Variants in KRT17 observed in about 807,000 individuals in gnomAD.
KRT17 encodes the protein keratin 17.
KRT17 carries 29 observed loss-of-function variants against 45.6 expected under a neutral mutation model. The observed-to-expected ratio is 0.64, with a 90% CI of 0.47 to 0.87. The LOEUF (loss-of-function observed/expected upper bound fraction) is 0.87, where lower values mean the gene tolerates loss of function less well. Among genes scored for constraint, KRT17 ranks in the 40% least tolerant of loss-of-function variants. KRT17 has a pLI of 0.00. For synonymous variants in KRT17, 219 were observed against 234.6 expected, an observed-to-expected ratio of 0.93 and a Z score of 0.61; for missense variants, 536 against 577.8, an observed-to-expected ratio of 0.93 and a Z score of 0.74.
rs1908463361 is a variant in KRT17 at position 41,619,474 on chromosome 17, C to G, written c.*120G>C. The G allele has an allele frequency of 3.8e-6, 6 of 1,566,170 alleles. No individual in the cohort carries two copies. In the Admixed American group the frequency reaches 1.0e-4, roughly 27 times the overall value. Reference sequence around the variant, plus strand: ...GTCAACAAGCTTTATTGTCATCAGGCAAGGAAGCATGGGGAAGGGACTGAA... The same window carrying G: ...GTCAACAAGCTTTATTGTCATCAGGGAAGGAAGCATGGGGAAGGGACTGAA... On this transcript the variant is annotated 3_prime_UTR_variant, in exon 8 of 8. Transcript: ENST00000311208.
Position 41,624,066 on chromosome 17 carries a change from A to G in KRT17, c.432+12T>C, listed in dbSNP as rs1442704300. ...ATGCCCCCCGGAGACCCCTCCCACCAGCAGGCCCTACCTTGTTCTGCAGCT... is the reference window on the plus strand; with the variant it reads ...ATGCCCCCCGGAGACCCCTCCCACCGGCAGGCCCTACCTTGTTCTGCAGCT... On this transcript the variant is annotated intron_variant, in intron 1 of 7. Coordinates refer to ENST00000311208, the MANE Select transcript of KRT17 (RefSeq NM_000422.3). 6.2e-7 allele frequency: 1 copy of G among 1,611,836 alleles called. No homozygotes were observed. The highest frequency in any genetic ancestry group is 1.7e-5 in the Admixed American group (1 of 59,998).
In KRT17 at chr17:41,621,029, C is replaced by T; in HGVS notation, c.897G>A (p.Glu299=). 1 of 1,613,946 alleles carries T rather than the reference C, an allele frequency of 6.2e-7. No individual in the cohort carries two copies. Among genetic ancestry groups the T allele is most frequent in the Non-Finnish European group, 8.5e-7 (1 of 1,179,946 alleles). Residue 299 remains glutamate (E), a synonymous_variant, in exon 5 of 8, where the codon GAG becomes GAA. Coordinates refer to ENST00000311208, the MANE Select transcript of KRT17 (RefSeq NM_000422.3). ...NSELVQSGKS[E]ISELRRTMQA... is the part of the protein sequence containing the mutation. ...GCATGGTGCGCCGGAGCTCCGAGAT[C>T]TCACTCTTGCCACTCTGCACCAGCT...
rs189910997 is a variant in KRT17 at position 41,622,250 on chromosome 17, C to A, written c.672+105G>T. On this transcript the variant is annotated intron_variant, in intron 3 of 7. Transcript: ENST00000311208. The stretch of plus-strand genomic sequence containing the variant: ...GGAAGCCCTCTAAGGTGACTAATCC[C>A]GGTGCACCTGCTCTGCTCTCTCCCA... The A allele has an allele frequency of 1.4e-5, 20 of 1,457,680 alleles. No individual in the cohort carries two copies. In the African/African-American group the frequency reaches 2.1e-4, roughly 15 times the overall value. The allele number at this position is 1,457,680 out of a possible 1,614,324, so 90.3% of individuals were successfully genotyped here. A position where few individuals can be genotyped will look rare whatever the true frequency, so the allele number is the denominator to read the frequency against.
rs553978592 is a variant in KRT17 at position 41,622,166 on chromosome 17, G to A, written c.672+189C>T. On this transcript the variant is annotated intron_variant, in intron 3 of 7. Coordinates refer to ENST00000311208, the MANE Select transcript of KRT17 (RefSeq NM_000422.3). Reference sequence around the variant, plus strand: ...TTCCTTGTGTACAGAGAAGCAGTGTGGTACAAAGAGGAGTCTGCCCTGCAC... The same window carrying A: ...TTCCTTGTGTACAGAGAAGCAGTGTAGTACAAAGAGGAGTCTGCCCTGCAC... 48 of 736,184 alleles carry A rather than the reference G, an allele frequency of 6.5e-5. No homozygotes were observed. In the South Asian group the frequency reaches 7.7e-4, roughly 12 times the overall value. The allele number at this position is 736,184 out of a possible 1,614,324, so 45.6% of individuals were successfully genotyped here.
At position 41,621,590 on chromosome 17, in the gene KRT17, C is replaced by A. The variant is rs201183067; in HGVS notation, c.834+3G>T. The A allele has an allele frequency of 2.5e-6, 4 of 1,612,060 alleles. No individual in the cohort carries two copies. Among genetic ancestry groups the A allele is most frequent in the Admixed American group, 1.7e-5 (1 of 60,022 alleles). ...GAGCCCTCTGGCCTGCAGCACCCCC[C>A]ACCTTGCTGAAGAACCAATCCTCGG... is the stretch of plus-strand genomic sequence containing the variant. On this transcript the variant is annotated splice_donor_region_variant and intron_variant, in intron 4 of 7. Coordinates refer to ENST00000311208, the MANE Select transcript of KRT17 (RefSeq NM_000422.3).
At position 41,621,066 on chromosome 17, in the gene KRT17, G is replaced by C; in HGVS notation, c.860C>G (p.Ala287Gly). 1 of 1,613,968 alleles carries C rather than the reference G, an allele frequency of 6.2e-7. No homozygotes were observed. ...ACTCTGCACCAGCTCACTGTTGGTG[G>C]CCACCTCGCGGTTCAGTTCCTCTGT... Reference protein sequence around the residue: ...SKTEELNREVATNSELVQSGK... With the variant: ...SKTEELNREVGTNSELVQSGK... The change falls in exon 5 of 8, where the codon GCC (alanine) becomes GGC (glycine). Residue 287 changes from alanine to glycine, a missense_variant. Ala to Gly is a moderately conservative substitution (Grantham distance 60). Coordinates refer to ENST00000311208, the MANE Select transcript of KRT17 (RefSeq NM_000422.3).
At chr17:41,622,278 G>A in intron 3 of KRT17, 77 bp downstream of exon 3, 1 of 1,578,632 alleles carries the variant, frequency 6.3e-7, no homozygotes, top group Non-Finnish European at 8.7e-7. Context: ...CTCTCCCACG[G>A]CCTCAGCCAT....
At position 41,624,111 on chromosome 17, in the gene KRT17, C is replaced by T. The variant is rs1435651912; in HGVS notation, c.399G>A (p.Gln133=). The T allele has an allele frequency of 6.2e-7, 1 of 1,612,150 alleles. No homozygotes were observed. The highest frequency in any genetic ancestry group is 8.5e-7 in the Non-Finnish European group (1 of 1,179,926). ...QAPGPARDYS[Q]YYRTIEELQN... ...GCAGCTCCTCAATTGTCCTGTAGTA[C>T]TGGCTGTAGTCACGGGCGGGCCCCG... is the stretch of plus-strand genomic sequence containing the variant. The change falls in exon 1 of 8, where the codon CAG becomes CAA. Residue 133 remains glutamine, a synonymous_variant. Transcript: ENST00000311208.
rs1357459850 is a variant in KRT17 at position 41,624,530 on chromosome 17, G to A, written c.-21C>T. Reference sequence around the variant, plus strand: ...GTCATGGTGGCGGCGGCAGGAGGCAGGCACACAGGAGAAGGGCTGGAGAGG... The same window carrying A: ...GTCATGGTGGCGGCGGCAGGAGGCAAGCACACAGGAGAAGGGCTGGAGAGG... On this transcript the variant is annotated 5_prime_UTR_variant, in exon 1 of 8. Transcript: ENST00000311208. 1 of 1,605,246 alleles carries A rather than the reference G, an allele frequency of 6.2e-7. No individual in the cohort carries two copies. The highest frequency in any genetic ancestry group is 8.5e-7 in the Non-Finnish European group (1 of 1,176,032).
chr17:41,619,505 G>A lies in KRT17; in HGVS notation c.*89C>T, dbSNP rs1355096349. On this transcript the variant is annotated 3_prime_UTR_variant, in exon 8 of 8. Coordinates refer to ENST00000311208, the MANE Select transcript of KRT17 (RefSeq NM_000422.3). Reference sequence around the variant, plus strand: ...AGCATGGGGAAGGGACTGAAGCAGGGGGCTGAGGCTGGAGAGGCCGGAGAC... The same window carrying A: ...AGCATGGGGAAGGGACTGAAGCAGGAGGCTGAGGCTGGAGAGGCCGGAGAC... 4.8e-5 allele frequency: 78 copies of A among 1,608,638 alleles called. No homozygotes were observed. The highest frequency in any genetic ancestry group is 6.5e-5 in the Non-Finnish European group (76 of 1,177,962).
At chr17:41,621,918 T>G in intron 3 of KRT17, 164 bp from the exon 4 acceptor site, 4 of 737,086 alleles carry the variant, frequency 5.4e-6, no homozygotes, top group Non-Finnish European at 7.1e-6. Context: ...TGCTCAGTAT[T>G]GCCTCCACCA....
intron 1 of KRT17, 123 bp downstream of exon 1, chr17:41,623,955 C>G: frequency 1.4e-6 from 2 of 1,434,198 alleles, no homozygotes; most frequent in Non-Finnish European, 9.8e-7. Flanking sequence ...AGAAGCTAAG[C>G]CACAGCCAAA....
intron 1 of KRT17, 171 bp from the exon 2 acceptor site, chr17:41,623,203 G>A (rs1470240550): frequency 3.2e-6 from 2 of 620,778 alleles, no homozygotes; most frequent in Non-Finnish European, 6.1e-6. Context: ...GGGCTGAAAG[G>A]TGCCTCTTCT....
Position 41,620,973 on chromosome 17 carries a change from A to G in KRT17, c.953T>C (p.Leu318Pro). ...QALEIELQSQ[L>P]SMKASLEGNL... ...GCACAGGACTGTTCCTACCATGCTGAGCTGGGACTGCAGCTCTATCTCCAA... is the reference window on the plus strand; with the variant it reads ...GCACAGGACTGTTCCTACCATGCTGGGCTGGGACTGCAGCTCTATCTCCAA... The change falls in exon 5 of 8, where the codon CTC becomes CCC. Residue 318 changes from leucine (L) to proline (P), a missense_variant. Leu to Pro is a moderately conservative substitution (Grantham distance 98). Coordinates refer to ENST00000311208, the MANE Select transcript of KRT17 (RefSeq NM_000422.3). 1.2e-6 allele frequency: 2 copies of G among 1,614,074 alleles called. No homozygotes were observed. The highest frequency in any genetic ancestry group is 2.2e-5 in the South Asian group (2 of 91,084).
rs375243255 is a variant in KRT17 at position 41,621,013 on chromosome 17, G to A, written c.913C>T (p.Arg305Cys). ...SGKSEISELR[R>C]TMQALEIELQ... ...TCTATCTCCAAGGCCTGCATGGTGC[G>A]CCGGAGCTCCGAGATCTCACTCTTG... The change falls in exon 5 of 8, where the codon CGC becomes TGC. Residue 305 changes from arginine (R) to cysteine (C), a missense_variant. Coordinates refer to ENST00000311208, the MANE Select transcript of KRT17 (RefSeq NM_000422.3). 41 of 1,613,958 alleles carry A rather than the reference G, an allele frequency of 2.5e-5. No individual in the cohort carries two copies. Among genetic ancestry groups the A allele is most frequent in the African/African-American group, 2.5e-4 (19 of 74,862 alleles).
chr17:41,620,833 C>T lies in KRT17; in HGVS notation c.1007G>A (p.Cys336Tyr), dbSNP rs752997574. ...GNLAETENRY[C>Y]VQLSQIQGLI... ...CCCCTGGATCTGGGACAGCTGCACG[C>T]AGTAGCGGTTCTCTGTCTCCGCCAG... The change falls in exon 6 of 8, where the codon TGC becomes TAC. Residue 336 changes from cysteine to tyrosine, a missense_variant. Physicochemically the swap from Cys to Tyr is radical, Grantham distance 194. Coordinates refer to ENST00000311208, the MANE Select transcript of KRT17 (RefSeq NM_000422.3). 7 of 1,613,690 alleles carry T rather than the reference C, an allele frequency of 4.3e-6. No individual in the cohort carries two copies. Among genetic ancestry groups the T allele is most frequent in the Admixed American group, 1.7e-5 (1 of 60,026 alleles).
rs576062233 is a variant in KRT17, at chr17:41,621,336, C to T, written c.835-245G>A. On this transcript the variant is annotated intron_variant, in intron 4 of 7. Transcript: ENST00000311208. ...GGCTCTTGATGCTAGTTCCTGACTT[C>T]TTGAGGGAGACGTGGGGACTCCCAA... Among the ~76,000 whole-genome samples, 41 of 152,382 alleles carry T rather than the reference C, an allele frequency of 2.7e-4. 1 individual carries two copies. The South Asian group carries it at 4.6e-3, about 17-fold the overall frequency.
At position 41,622,361 on chromosome 17, in the gene KRT17, G is replaced by C. The variant is rs150142591; in HGVS notation, c.666C>G (p.His222Gln). 1.2e-6 allele frequency: 2 copies of C among 1,613,364 alleles called. No individual in the cohort carries two copies. Among genetic ancestry groups the C allele is most frequent in the Middle Eastern group, 3.7e-4 (2 of 5,440 alleles). Reference protein sequence around the residue: ...KEELAYLKKNHEEEMNALRGQ... With the variant: ...KEELAYLKKNQEEEMNALRGQ... ...TCTGCCCCAGCCACCTCACCTCCTCGTGGTTCTTCTTCAGGTAGGCCAGCT... is the reference window on the plus strand; with the variant it reads ...TCTGCCCCAGCCACCTCACCTCCTCCTGGTTCTTCTTCAGGTAGGCCAGCT... The change falls in exon 3 of 8, where the codon CAC becomes CAG. Residue 222 changes from histidine (H) to glutamine (Q), a missense_variant. Physicochemically the swap from His to Gln is conservative, Grantham distance 24 (BLOSUM62 0). Coordinates refer to ENST00000311208, the MANE Select transcript of KRT17 (RefSeq NM_000422.3).
intron 1 of KRT17, among the ~76,000 whole-genome samples, chr17:41,623,842 T>C (rs1908629663): frequency 6.6e-6 from 1 of 152,176 alleles, no homozygotes; most frequent in South Asian, 2.1e-4. Flanking sequence ...AGGGAGAAAC[T>C]GAGGCTCCAA....
Sources: allele counts gnomAD v4.1 joint callset (sites outside exome capture counted in the v4.1 genomes callset), GRCh38; gene constraint gnomAD v4.1.1; transcripts MANE v1.5; gene names NCBI Gene and HGNC (gene_info 2026-07-23, HGNC 2026-07-21).